CD109: variants seen among roughly 807,000 people sequenced by gnomAD.
CD109 encodes CD109 antigen.
CD109 carries 149 observed loss-of-function variants against 165.8 expected under a neutral mutation model. That is an observed-to-expected ratio of 0.90 (90% CI 0.79 to 1.03). The LOEUF is 1.03. CD109 is among the 50% of genes least tolerant of loss of function. The pLI is 0.00. For missense variants in CD109, 1,712 were observed against 1,677.8 expected (o/e 1.02, Z -0.36); for synonymous variants, 585 against 592.1 (o/e 0.99, Z 0.18).
intron 3 of CD109, among the ~76,000 whole-genome samples, chr6:73,729,493 TA>T (rs1472418256): frequency 2.4e-5 from 1 of 42,038 alleles, no homozygotes; most frequent in Non-Finnish European, 4.7e-5. Context: ...CTTCTATTGT[TA>T]TTATTATTAT....
intron 10 of CD109, among the ~76,000 whole-genome samples, chr6:73,765,069 G>A (rs1038442280): frequency 6.6e-6 from 1 of 152,114 alleles, no homozygotes; most frequent in Non-Finnish European, 1.5e-5. Flanking sequence ...TTATGGAAGA[G>A]GATGGTCTAA....
chr6:73,770,462 G>A (rs1240339716), intron 14 of CD109, among the ~76,000 whole-genome samples: 1 of 152,134 alleles, frequency 6.6e-6, no homozygotes, highest in Non-Finnish European at 1.5e-5. Flanking sequence ...TTCCCAGCAG[G>A]GGCCAGGCAC....
chr6:73,696,223 GC>G lies in CD109; in HGVS notation c.11del (p.Pro4HisfsTer4). MQ[G>X]PPLLTAAHLL... ...CAGGCAGACGCCGTCGAGATGCAGGGCCCACCGCTCCTGACCGCCGCCCACC... is the reference window on the plus strand; with the variant it reads ...CAGGCAGACGCCGTCGAGATGCAGGGCCACCGCTCCTGACCGCCGCCCACC... On this transcript the variant is annotated frameshift_variant, in exon 1 of 33. Coordinates refer to ENST00000287097, the MANE Select transcript of CD109 (RefSeq NM_133493.5). LOFTEE classifies it high-confidence loss of function. 6.5e-7 allele frequency: 1 copy of G among 1,545,582 alleles called. No individual in the cohort carries two copies.
intron 7 of CD109, among the ~76,000 whole-genome samples, chr6:73,760,876 G>A (rs1045752866): frequency 2.6e-5 from 4 of 151,694 alleles, no homozygotes; most frequent in South Asian, 2.1e-4. Context: ...TTCGCTGGAC[G>A]TGGTGGTGTG....
chr6:73,698,437 GGCCTCCCAAAGT>G (rs1770938116), intron 2 of CD109, among the ~76,000 whole-genome samples: 1 of 151,768 alleles, frequency 6.6e-6, no homozygotes, highest in Non-Finnish European at 1.5e-5. Flanking sequence ...CACCCACCTT[GGCCTCCCAAAGT>G]GCTGGGATTA....
In CD109 at chr6:73,823,447, T is replaced by G; in HGVS notation, c.4163-11T>G. On this transcript the variant is annotated splice_polypyrimidine_tract_variant and intron_variant, in intron 32 of 32. Transcript: ENST00000287097. ...GGAGCCGTGTGAACTGATGTCTGCT[T>G]CTTTGAACAGGGAGACAGGCGGTGA... The G allele has an allele frequency of 6.3e-7, 1 of 1,597,158 alleles. No homozygotes were observed. Among genetic ancestry groups the G allele is most frequent in the Non-Finnish European group, 8.6e-7 (1 of 1,167,796 alleles).
chr6:73,687,670 CA>C, the CD109 span, among the ~76,000 whole-genome samples: 26 of 152,238 alleles, frequency 1.7e-4, no homozygotes, highest in East Asian at 5.0e-3. Flanking sequence ...TTCCTCTAAC[CA>C]AAAGGTGGAG....
chr6:73,712,586 G>A lies in CD109; in HGVS notation c.248-10665G>A, dbSNP rs114894598. Among the ~76,000 whole-genome samples the A allele has an allele frequency of 7.1e-3, 1,086 of 152,268 alleles. 16 individuals carry two copies. The highest frequency in any genetic ancestry group is 0.024 in the African/African-American group (1,006 of 41,536). ...TTGGTGAGGACAGATGTCAGAAGAG[G>A]CAGCATATAATGGTATTACAGAGTA... On this transcript the variant is annotated intron_variant, in intron 2 of 32. Transcript: ENST00000287097.
intron 29 of CD109, among the ~76,000 whole-genome samples, chr6:73,814,464 C>T (rs1006569532): frequency 1.3e-5 from 2 of 152,068 alleles, no homozygotes; most frequent in Non-Finnish European, 2.9e-5. Flanking sequence ...CTGAGAAAGA[C>T]CCAGTTGACT....
intron 22 of CD109, among the ~76,000 whole-genome samples, chr6:73,791,198 T>TATATATATATACACATAC (rs1774946438): frequency 9.6e-6 from 1 of 103,772 alleles, no homozygotes; most frequent in Non-Finnish European, 1.7e-5. Flanking sequence ...CATACATATA[T>TATATATATATACACATAC]ATATATATAT....
chr6:73,680,016 A>G, the CD109 span, among the ~76,000 whole-genome samples: 2 of 152,220 alleles, frequency 1.3e-5, no homozygotes, highest in African/African-American at 2.4e-5. Flanking sequence ...AGAGGAAAAT[A>G]AAACTATATG....
At chr6:73,701,977 T>A (rs1265480563) in intron 2 of CD109, among the ~76,000 whole-genome samples, 1 of 152,130 alleles carries the variant, frequency 6.6e-6, no homozygotes, top group Non-Finnish European at 1.5e-5. Context: ...TGAAAATGCC[T>A]ACTGAAATTT....
At chr6:73,812,107 T>C in intron 28 of CD109, 98 bp from the exon 29 acceptor site, 1 of 711,698 alleles carries the variant, frequency 1.4e-6, no homozygotes, top group Non-Finnish European at 2.4e-6. Context: ...AGTGATTGCT[T>C]CTTTTCCTAA....
At chr6:73,714,423 G>A (rs1427103868) in intron 2 of CD109, among the ~76,000 whole-genome samples, 1 of 152,306 alleles carries the variant, frequency 6.6e-6, no homozygotes, top group South Asian at 2.1e-4. Flanking sequence ...GAGCTGCCCT[G>A]GTGGATGCCT....
chr6:73,684,530 C>CT, the CD109 span, among the ~76,000 whole-genome samples: 1 of 151,548 alleles, frequency 6.6e-6, no homozygotes, highest in Non-Finnish European at 1.5e-5. Context: ...CAACTTTTGT[C>CT]TTTTTTTGAT....
intron 3 of CD109, among the ~76,000 whole-genome samples, chr6:73,727,721 A>G (rs1772193617): frequency 6.6e-6 from 1 of 152,198 alleles, no homozygotes; most frequent in Non-Finnish European, 1.5e-5. Context: ...CCTCTGTGCC[A>G]CTAAAAATGA....
intron 23 of CD109, among the ~76,000 whole-genome samples, chr6:73,798,059 G>C (rs1250520982): frequency 6.6e-6 from 1 of 151,424 alleles, no homozygotes; most frequent in African/African-American, 2.4e-5. Flanking sequence ...GCACTGGAAG[G>C]CTGAGTTGTT....
At chr6:73,748,957 C>T (rs1338866693) in intron 5 of CD109, among the ~76,000 whole-genome samples, 1 of 152,138 alleles carries the variant, frequency 6.6e-6, no homozygotes, top group Non-Finnish European at 1.5e-5. Context: ...TTTTTAAGCT[C>T]TCCCAATTTT....
intron 14 of CD109, among the ~76,000 whole-genome samples, chr6:73,770,045 G>A (rs1037187780): frequency 2.0e-5 from 3 of 152,172 alleles, no homozygotes; most frequent in Non-Finnish European, 2.9e-5. Flanking sequence ...GGACATTGTT[G>A]GGAGGTTGGT....
Sources: allele counts gnomAD v4.1 joint callset (sites outside exome capture counted in the v4.1 genomes callset), GRCh38; gene constraint gnomAD v4.1.1; transcripts MANE v1.5; gene names NCBI Gene and HGNC (gene_info 2026-07-23, HGNC 2026-07-21).